The following DLG2 variants were observed in gnomAD, a reference collection of about 807,000 sequenced individuals.
DLG2 encodes the protein discs large MAGUK scaffold protein 2, also known as disks large homolog 2.
Under a neutral mutation model 132.5 loss-of-function variants are expected in DLG2, and 45 were observed. The observed-to-expected ratio is 0.34, with a 90% CI of 0.27 to 0.44. The LOEUF (loss-of-function observed/expected upper bound fraction) is 0.44. DLG2 is among the 20% of genes least tolerant of loss of function. The pLI is 1.00. For missense variants in DLG2, 1,045 were observed against 1,196.9 expected (o/e 0.87, Z 1.87); for synonymous variants, 424 against 419.6 (o/e 1.01, Z -0.13).
chr11:85,151,073 A>G (rs1170402279), intron 5 of DLG2, among the ~76,000 whole-genome samples: 4 of 152,140 alleles, frequency 2.6e-5, no homozygotes, highest in African/African-American at 4.8e-5. Context: ...AATGGGTGTG[A>G]AATGATTTTT....
chr11:84,871,263 T>C (rs1239900956), intron 6 of DLG2, among the ~76,000 whole-genome samples: 1 of 152,208 alleles, frequency 6.6e-6, no homozygotes. Context: ...GATAGCTCCC[T>C]AGAATCTTAT....
chr11:84,784,245 G>A (rs1180367307), intron 6 of DLG2, among the ~76,000 whole-genome samples: 5 of 143,514 alleles, frequency 3.5e-5, no homozygotes, highest in Admixed American at 7.4e-5. Flanking sequence ...GCTTGATCCC[G>A]GGTGGTGGAG....
chr11:84,807,576 T>TA (rs1191850795), intron 6 of DLG2, among the ~76,000 whole-genome samples: 5 of 151,972 alleles, frequency 3.3e-5, no homozygotes, highest in Admixed American at 1.3e-4. Context: ...CAGAATGGGT[T>TA]AAAAAAAATA....
chr11:84,012,613 G>C (rs2094948224), intron 11 of DLG2, among the ~76,000 whole-genome samples: 1 of 152,120 alleles, frequency 6.6e-6, no homozygotes, highest in Non-Finnish European at 1.5e-5. Flanking sequence ...AAAATATTCA[G>C]AGTTTCAAAA....
chr11:83,696,603 G>A (rs2092039218), intron 18 of DLG2, among the ~76,000 whole-genome samples: 1 of 152,122 alleles, frequency 6.6e-6, no homozygotes, highest in South Asian at 2.1e-4. Flanking sequence ...GATACATTAA[G>A]TACAAAATGT....
intron 7 of DLG2, among the ~76,000 whole-genome samples, chr11:84,428,055 T>C (rs932233524): frequency 5.9e-5 from 9 of 152,204 alleles, no homozygotes; most frequent in Non-Finnish European, 1.2e-4. Context: ...TCAAGTTTGT[T>C]GGGTGAATAG....
intron 18 of DLG2, chr11:83,682,198 A>G: frequency 1.0e-6 from 1 of 985,394 alleles, no homozygotes; most frequent in Non-Finnish European, 1.2e-6. Flanking sequence ...AGGAGGCAGG[A>G]GGCACCAAAG....
intron 11 of DLG2, among the ~76,000 whole-genome samples, chr11:84,016,002 G>A (rs2095160599): frequency 6.6e-6 from 1 of 152,166 alleles, no homozygotes; most frequent in Non-Finnish European, 1.5e-5. Flanking sequence ...CCCACCAACA[G>A]TGTAAAAGCA....
chr11:85,053,718 C>T (rs1342440611), intron 6 of DLG2, among the ~76,000 whole-genome samples: 18 of 142,244 alleles, frequency 1.3e-4, no homozygotes, highest in Non-Finnish European at 1.2e-4. Flanking sequence ...AGGAGAATGG[C>T]GTGAACCCAG....
chr11:84,612,434 C>A (rs140776568), intron 6 of DLG2, among the ~76,000 whole-genome samples: 151 of 152,134 alleles, frequency 9.9e-4, no homozygotes, highest in African/African-American at 3.3e-3. Flanking sequence ...GCATTCATTT[C>A]TCTTCAGTAA....
chr11:83,680,279 G>A (rs1441125386), intron 18 of DLG2, among the ~76,000 whole-genome samples: 5 of 152,138 alleles, frequency 3.3e-5, no homozygotes, highest in Admixed American at 6.6e-5. Context: ...AAAATAAACC[G>A]TGGAGTGTGG....
At position 83,882,772 on chromosome 11, in the gene DLG2, G is replaced by A. The variant is rs1250794250; in HGVS notation, c.1497-8284C>T. ...CAATAACTGGTTCTGGATGTGCAGGGTAGGAAAAGTTCTCTTATATGAATG... is the reference window on the plus strand; with the variant it reads ...CAATAACTGGTTCTGGATGTGCAGGATAGGAAAAGTTCTCTTATATGAATG... On this transcript the variant is annotated intron_variant, in intron 15 of 27. Transcript: ENST00000376104. Among the ~76,000 whole-genome samples the A allele has an allele frequency of 3.3e-5, 5 of 152,288 alleles. No homozygotes were observed. In the East Asian group the frequency reaches 7.7e-4, roughly 23 times the overall value.
At chr11:83,498,174 G>A (rs886501058) in intron 21 of DLG2, among the ~76,000 whole-genome samples, 5 of 151,982 alleles carry the variant, frequency 3.3e-5, no homozygotes, top group South Asian at 2.1e-4. Flanking sequence ...GAATTTGGCT[G>A]TATGACTTTA....
intron 4 of DLG2, among the ~76,000 whole-genome samples, chr11:85,231,600 G>A (rs527316906): frequency 6.6e-6 from 1 of 151,838 alleles, no homozygotes; most frequent in East Asian, 1.9e-4. Flanking sequence ...ATTTCTTAAA[G>A]TAGCTGGCAA....
In DLG2 at chr11:84,769,201, C is replaced by T. The variant is rs78667792; in HGVS notation, c.358-234470G>A. The stretch of plus-strand genomic sequence containing the variant: ...GAAGCATGTATTTCAAGGAAGCTAA[C>T]TGAGGTACAAGACAAAGTTAAAAAT... On this transcript the variant is annotated intron_variant, in intron 6 of 27. Coordinates refer to ENST00000376104, the MANE Select transcript of DLG2 (RefSeq NM_001142699.3). 5.3e-3 allele frequency among the ~76,000 whole-genome samples: 805 copies of T among 151,578 alleles called. 10 individuals carry two copies. The highest frequency in any genetic ancestry group is 0.019 in the African/African-American group (773 of 41,248).
At chr11:85,146,737 C>T (rs1453332541) in intron 5 of DLG2, among the ~76,000 whole-genome samples, 1 of 152,212 alleles carries the variant, frequency 6.6e-6, no homozygotes, top group East Asian at 1.9e-4. Flanking sequence ...TAGTGTCTCA[C>T]TGGGTTTCAT....
chr11:84,201,128 C>G (rs947524905), intron 8 of DLG2, among the ~76,000 whole-genome samples: 1 of 152,120 alleles, frequency 6.6e-6, no homozygotes, highest in Non-Finnish European at 1.5e-5. Context: ...CCTTCAATAC[C>G]CAGTTTATTG....
At chr11:83,574,485 G>A (rs1007300072) in intron 19 of DLG2, among the ~76,000 whole-genome samples, 1 of 152,058 alleles carries the variant, frequency 6.6e-6, no homozygotes, top group African/African-American at 2.4e-5. Context: ...GATTTAAAAA[G>A]CCTTTTAAAA....
intron 19 of DLG2, among the ~76,000 whole-genome samples, chr11:83,593,550 C>G (rs557578515): frequency 4.6e-5 from 7 of 150,718 alleles, no homozygotes; most frequent in African/African-American, 9.8e-5. Flanking sequence ...TGCTAGATGA[C>G]GAGTTAGTGG....
Sources: allele counts gnomAD v4.1 joint callset (sites outside exome capture counted in the v4.1 genomes callset), GRCh38; gene constraint gnomAD v4.1.1; transcripts MANE v1.5; gene names NCBI Gene and HGNC (gene_info 2026-07-23, HGNC 2026-07-21).